The following DDX23 variants were observed in gnomAD, a reference collection of about 807,000 sequenced individuals.
DDX23 encodes probable ATP-dependent RNA helicase DDX23.
A neutral mutation model predicts 102.7 loss-of-function variants in DDX23; 33 were observed. That is an observed-to-expected ratio of 0.32 (90% CI 0.24 to 0.43). DDX23 has a LOEUF of 0.43. Ranked by LOEUF, DDX23 falls within the 20% of genes least tolerant of loss-of-function variation. DDX23 has a pLI of 1.00. For missense variants in DDX23, 549 were observed against 1,086.6 expected, an observed-to-expected ratio of 0.51 and a Z score of 6.96; for synonymous variants, 352 against 376.0, an observed-to-expected ratio of 0.94 and a Z score of 0.74.
intron 11 of DDX23, chr12:48,835,102 G>T: frequency 1.0e-5 from 2 of 192,308 alleles, no homozygotes; most frequent in South Asian, 7.1e-5. Context: ...AAAATTAGCT[G>T]GGCATGTTCG....
In DDX23 at chr12:48,845,612, G is replaced by A. The variant is rs182759957; in HGVS notation, c.171C>T (p.Ser57=). The A allele has an allele frequency of 6.2e-7, 1 of 1,614,206 alleles. No individual in the cohort carries two copies. The highest frequency in any genetic ancestry group is 1.7e-5 in the Admixed American group (1 of 60,016). The change falls in exon 2 of 17, where the codon AGC becomes AGT. Residue 57 remains serine, a synonymous_variant. Transcript: ENST00000308025. ...TGGAACGGGAACGAGAGCGAGAACG[G>A]CTGCCTCCTCGACGTCTATCCCTTG... ...HRSRDRRRGG[S]RSRSRSRSKS...
At chr12:48,848,578 GGTTT>G (rs1376761850) in intron 1 of DDX23, among the ~76,000 whole-genome samples, 1 of 136,258 alleles carries the variant, frequency 7.3e-6, no homozygotes, top group African/African-American at 2.5e-5. Context: ...ATGTTTGTCA[GGTTT>G]GTTTTGTTGT....
intron 15 of DDX23, chr12:48,831,763 AAGC>A (rs1225377474): frequency 2.2e-6 from 1 of 464,818 alleles, no homozygotes; most frequent in Admixed American, 3.7e-5. Flanking sequence ...CAACGTACCT[AAGC>A]AGTTTTCACC....
intron 1 of DDX23, among the ~76,000 whole-genome samples, chr12:48,849,666 A>G (rs1216128492): frequency 9.2e-5 from 11 of 119,594 alleles, no homozygotes; most frequent in Non-Finnish European, 1.6e-4. Context: ...GTCTCGAGAG[A>G]AAAAAAAAAA....
At chr12:48,845,516 G>A (rs1938651017) in intron 2 of DDX23, 58 bp downstream of exon 2, 2 of 1,592,310 alleles carry the variant, frequency 1.3e-6, no homozygotes, top group Admixed American at 1.7e-5. Flanking sequence ...GAACCAAGAA[G>A]GAAGAAATCT....
chr12:48,842,872 A>C (rs1259182813), intron 3 of DDX23, among the ~76,000 whole-genome samples: 1 of 151,354 alleles, frequency 6.6e-6, no homozygotes, highest in African/African-American at 2.4e-5. Context: ...AAAGGTGGGG[A>C]AAAGATTGAG....
intron 5 of DDX23, 66 bp downstream of exon 5, chr12:48,839,778 T>C: frequency 6.6e-7 from 1 of 1,526,038 alleles, no homozygotes. Context: ...GTCGTTGAAG[T>C]CACCCAGTCT....
intron 1 of DDX23, among the ~76,000 whole-genome samples, chr12:48,847,018 C>T (rs1411627867): frequency 2.6e-5 from 4 of 152,170 alleles, no homozygotes; most frequent in Admixed American, 2.6e-4. Context: ...TGGTTCAGCT[C>T]GAATGGTTCC....
rs1938521937 is a variant in DDX23 at position 48,839,882 on chromosome 12, G to T, written c.442C>A (p.Leu148Met). The part of the protein sequence containing the change: ...KAQPLSLEEL[L>M]AKKKAEEEAE... Reference sequence around the variant, plus strand: ...TCTTCCTCAGCCTTTTTCTTGGCCAGAAGCTCCTCCAGGGATAATGGCTGG... The same window carrying T: ...TCTTCCTCAGCCTTTTTCTTGGCCATAAGCTCCTCCAGGGATAATGGCTGG... Residue 148 changes from leucine (L) to methionine (M), a missense_variant, in exon 5 of 17, where the codon CTG becomes ATG. Coordinates refer to ENST00000308025, the MANE Select transcript of DDX23 (RefSeq NM_004818.3). 6.2e-7 allele frequency: 1 copy of T among 1,614,104 alleles called. No individual in the cohort carries two copies. The highest frequency in any genetic ancestry group is 1.7e-5 in the Admixed American group (1 of 59,992).
Position 48,837,554 on chromosome 12 carries a change from C to T in DDX23, c.723G>A (p.Lys241=), listed in dbSNP as rs1431918235. ...EEGRQKIREE[K]DKSKELHAIK... is the part of the protein sequence containing the mutation. ...TGGCATGCAGTTCCTTGCTCTTATC[C>T]TTCTCTTCCCGGATCTTCTGCCGCC... Residue 241 remains lysine, a synonymous_variant, in exon 7 of 17, where the codon AAG becomes AAA. Transcript: ENST00000308025. 6.2e-7 allele frequency: 1 copy of T among 1,614,154 alleles called. No homozygotes were observed. Among genetic ancestry groups the T allele is most frequent in the Non-Finnish European group, 8.5e-7 (1 of 1,180,026 alleles).
chr12:48,834,281 T>A, intron 12 of DDX23, 39 bp downstream of exon 12: 2 of 1,576,886 alleles, frequency 1.3e-6, no homozygotes, highest in Non-Finnish European at 1.7e-6. Context: ...AAGATAGCCT[T>A]CCCAGACAGC....
At chr12:48,839,377 G>A (rs11830117) in intron 5 of DDX23, 5,450 of 155,492 alleles carry the variant, frequency 0.035, 316 homozygotes, top group African/African-American at 0.12. Context: ...TGGACAACGT[G>A]GTGAAATCTG....
chr12:48,844,119 AAAGTTCC>A, intron 2 of DDX23, 69 bp from the exon 3 acceptor site: 1 of 1,422,726 alleles, frequency 7.0e-7, no homozygotes, highest in Middle Eastern at 1.7e-4. Context: ...CAGCCCTGAG[AAAGTTCC>A]TATACTCTCG....
Position 48,832,610 on chromosome 12 carries a change from G to T in DDX23, c.1804-37C>A. 6.2e-7 allele frequency: 1 copy of T among 1,605,974 alleles called. No homozygotes were observed. The highest frequency in any genetic ancestry group is 1.1e-5 in the South Asian group (1 of 90,716). On this transcript the variant is annotated intron_variant, in intron 13 of 16. Coordinates refer to ENST00000308025, the MANE Select transcript of DDX23 (RefSeq NM_004818.3). The surrounding 1 kb of genome is among the most constrained non-coding windows in gnomAD (Gnocchi z 4.4). The stretch of plus-strand genomic sequence containing the variant: ...GGAGGCTCAGCCCTGCACCCAGGCA[G>T]GAATAATCATATATCCCACTGTCAC...
chr12:48,848,751 ATTT>A (rs71080156), intron 1 of DDX23, among the ~76,000 whole-genome samples: 5 of 133,724 alleles, frequency 3.7e-5, no homozygotes, highest in Non-Finnish European at 3.2e-5. Context: ...CACCTGACTA[ATTT>A]TTTTTTTTTT....
chr12:48,852,039 C>T (rs757363257), intron 1 of DDX23, 45 bp downstream of exon 1: 1 of 152,444 alleles, frequency 6.6e-6, no homozygotes, highest in Non-Finnish European at 1.5e-5. Context: ...GACTCTAGCC[C>T]TTTCTGTAAG....
At chr12:48,850,591 G>A (rs1262322409) in intron 1 of DDX23, among the ~76,000 whole-genome samples, 4 of 152,162 alleles carry the variant, frequency 2.6e-5, no homozygotes, top group South Asian at 2.1e-4. Flanking sequence ...AAAAAATAGA[G>A]AAGAAGCTCC....
chr12:48,847,916 C>G (rs1363682153), intron 1 of DDX23, among the ~76,000 whole-genome samples: 1 of 152,240 alleles, frequency 6.6e-6, no homozygotes, highest in Non-Finnish European at 1.5e-5. Flanking sequence ...TTCATTCATT[C>G]TTTCAACAAA....
intron 3 of DDX23, among the ~76,000 whole-genome samples, chr12:48,842,557 G>GC (rs1938582409): frequency 6.8e-6 from 1 of 146,324 alleles, no homozygotes; most frequent in Admixed American, 6.7e-5. Context: ...GGGGGGGTCA[G>GC]CCCCCCGCCC....
Sources: gnomAD v4.1 joint callset for allele counts (sites outside exome capture counted in the v4.1 genomes callset) on GRCh38, gnomAD v4.1.1 for gene constraint, Gnocchi (gnomAD v3.1) non-coding constraint, MANE v1.5 for transcripts, NCBI Gene and HGNC (gene_info 2026-07-23, HGNC 2026-07-21) for gene names.